DNAH7: variants seen among roughly 807,000 people sequenced by gnomAD.
DNAH7 encodes axonemal beta dynein heavy chain 7.
A neutral mutation model predicts 444.6 loss-of-function variants in DNAH7; 397 were observed. The ratio of observed to expected loss-of-function variants is 0.89; its 90% CI spans 0.82 to 0.97. The LOEUF (loss-of-function observed/expected upper bound fraction) is 0.97. Ranked by LOEUF, DNAH7 falls within the 50% of genes least tolerant of loss-of-function variation. DNAH7 has a pLI of 0.00. For synonymous variants in DNAH7, 1,636 were observed against 1,624.4 expected, an observed-to-expected ratio of 1.01 and a Z score of -0.17; for missense variants, 4,902 against 4,800.8, an observed-to-expected ratio of 1.02 and a Z score of -0.62.
chr2:195,760,520 G>A (rs1694301212), intron 61 of DNAH7, among the ~76,000 whole-genome samples: 1 of 152,084 alleles, frequency 6.6e-6, no homozygotes, highest in Non-Finnish European at 1.5e-5. Context: ...CTCAATGTTG[G>A]TGGCCATATG....
chr2:195,923,946 T>C (rs1343935790), intron 22 of DNAH7, 139 bp from the exon 23 acceptor site: 10 of 868,718 alleles, frequency 1.2e-5, no homozygotes, highest in African/African-American at 3.4e-5. Context: ...TAAAAATAAT[T>C]TGTTTTTCTG....
chr2:196,031,561 T>C (rs1228449234), intron 5 of DNAH7, among the ~76,000 whole-genome samples: 1 of 152,198 alleles, frequency 6.6e-6, no homozygotes, highest in Non-Finnish European at 1.5e-5. Context: ...TGAAACTGAA[T>C]GCCTTTAACA....
intron 63 of DNAH7, among the ~76,000 whole-genome samples, chr2:195,745,017 C>T (rs942368969): frequency 6.6e-5 from 10 of 152,322 alleles, no homozygotes; most frequent in Admixed American, 4.6e-4. Context: ...ATGACTTTGA[C>T]GAGCTGAGAG....
At chr2:195,849,157 G>A (rs989863754) in intron 46 of DNAH7, among the ~76,000 whole-genome samples, 4 of 151,856 alleles carry the variant, frequency 2.6e-5, no homozygotes, top group South Asian at 2.1e-4. Context: ...TATTTATTGC[G>A]ATGCTGAAAT....
chr2:195,990,690 T>C (rs972880311), intron 12 of DNAH7, among the ~76,000 whole-genome samples: 5 of 151,440 alleles, frequency 3.3e-5, no homozygotes, highest in Non-Finnish European at 5.9e-5. Flanking sequence ...AGTGTGGATT[T>C]ATTTCTAGGT....
At chr2:196,065,177 A>T (rs540024980) in intron 1 of DNAH7, among the ~76,000 whole-genome samples, 1 of 152,198 alleles carries the variant, frequency 6.6e-6, no homozygotes, top group Non-Finnish European at 1.5e-5. Flanking sequence ...TAGGATCTAC[A>T]CTGCATGAAA....
chr2:195,874,764 G>A (rs1233187398), intron 38 of DNAH7, among the ~76,000 whole-genome samples: 7 of 152,178 alleles, frequency 4.6e-5, no homozygotes, highest in South Asian at 2.1e-4. Flanking sequence ...TAAGGCTGCC[G>A]TGAGCTATGA....
At chr2:195,860,873 A>C (rs1271799138) in intron 42 of DNAH7, among the ~76,000 whole-genome samples, 1 of 152,150 alleles carries the variant, frequency 6.6e-6, no homozygotes, top group Non-Finnish European at 1.5e-5. Flanking sequence ...GTAAATTTAC[A>C]TTTGTGCTTT....
rs540507886 is a variant in DNAH7 at position 195,978,543 on chromosome 2, T to C, written c.1834-6077A>G. Among the ~76,000 whole-genome samples, 5 of 152,084 alleles carry C rather than the reference T, an allele frequency of 3.3e-5. No individual in the cohort carries two copies. The South Asian group carries it at 8.3e-4, about 25-fold the overall frequency. On this transcript the variant is annotated intron_variant, in intron 15 of 64. Transcript: ENST00000312428. ...AACAAATGACAAAATGGCAGGAGTA[T>C]AGCCTTACTTATCAATCAAAATTAT...
rs1695626361 is a variant in DNAH7 at position 195,786,471 on chromosome 2, G to A, written c.10878+539C>T. On this transcript the variant is annotated intron_variant, in intron 58 of 64. Transcript: ENST00000312428. The stretch of plus-strand genomic sequence containing the variant: ...ATGCTGCATGTGTATGAGTACATCA[G>A]AACTGGAGAGGCTGAAATGTGGTCT... Among the ~76,000 whole-genome samples, 7 of 152,294 alleles carry A rather than the reference G, an allele frequency of 4.6e-5. 1 individual carries two copies. In the South Asian group the frequency reaches 1.5e-3, roughly 32 times the overall value.
rs752455032 is a variant in DNAH7, at chr2:196,024,480, C to A, written c.692G>T (p.Arg231Leu). 1.9e-6 allele frequency: 3 copies of A among 1,577,338 alleles called. No homozygotes were observed. The highest frequency in any genetic ancestry group is 2.6e-6 in the Non-Finnish European group (3 of 1,164,398). Reference sequence around the variant, plus strand: ...TGTCTTCTTATCATCTCCTTTCTCTCGAGGATCTTTTAAAACAAAATCAAC... The same window carrying A: ...TGTCTTCTTATCATCTCCTTTCTCTAGAGGATCTTTTAAAACAAAATCAAC... ...SIVDFVLKDP[R>L]EKGDDKKTDE... Residue 231 changes from arginine to leucine, a missense_variant, in exon 8 of 65, where the codon CGA becomes CTA. Physicochemically the swap from Arg to Leu is moderately radical, Grantham distance 102 (BLOSUM62 -2). Coordinates refer to ENST00000312428, the MANE Select transcript of DNAH7 (RefSeq NM_018897.3).
intron 48 of DNAH7, among the ~76,000 whole-genome samples, chr2:195,831,319 A>G (rs1031978189): frequency 1.3e-5 from 2 of 152,210 alleles, no homozygotes; most frequent in African/African-American, 4.8e-5. Flanking sequence ...ATAAACTGCA[A>G]TATAAAAAAG....
chr2:195,889,016 G>GT (rs1184102734), intron 31 of DNAH7, 35 bp from the exon 32 acceptor site: 1 of 1,542,484 alleles, frequency 6.5e-7, no homozygotes, highest in East Asian at 2.3e-5. Flanking sequence ...GGGCAAAAAC[G>GT]TAATGATGAT....
intron 22 of DNAH7, among the ~76,000 whole-genome samples, chr2:195,925,076 G>A (rs1688247467): frequency 6.6e-6 from 1 of 151,926 alleles, no homozygotes; most frequent in Non-Finnish European, 1.5e-5. Context: ...ACAGAGATGA[G>A]GACTGCAAGT....
chr2:195,975,202 G>T (rs1199791889), intron 15 of DNAH7, among the ~76,000 whole-genome samples: 3 of 152,170 alleles, frequency 2.0e-5, no homozygotes, highest in Non-Finnish European at 2.9e-5. Flanking sequence ...AGACACCGAA[G>T]AGGGTAGGAA....
intron 18 of DNAH7, among the ~76,000 whole-genome samples, chr2:195,959,895 T>C (rs1319195853): frequency 1.3e-5 from 2 of 152,204 alleles, no homozygotes; most frequent in Non-Finnish European, 2.9e-5. Context: ...CGTTCACAGA[T>C]ACAAAATTAT....
At position 195,796,669 on chromosome 2, in the gene DNAH7, C is replaced by T. The variant is rs1696155404; in HGVS notation, c.10422G>A (p.Met3474Ile). Reference sequence around the variant, plus strand: ...TTCCTTCCTTGACAGCTTTTTCTAACATCTTCATAGCAATGGGCCCTTGGC... The same window carrying T: ...TTCCTTCCTTGACAGCTTTTTCTAATATCTTCATAGCAATGGGCCCTTGGC... ...GQGQGPIAMK[M>I]LEKAVKEGTW... The change falls in exon 56 of 65, where the codon ATG becomes ATA. Residue 3474 changes from methionine (M) to isoleucine (I), a missense_variant. By Grantham distance (10) the Met-to-Ile change is conservative. Coordinates refer to ENST00000312428, the MANE Select transcript of DNAH7 (RefSeq NM_018897.3). 1 of 1,614,076 alleles carries T rather than the reference C, an allele frequency of 6.2e-7. No homozygotes were observed. Among genetic ancestry groups the T allele is most frequent in the Non-Finnish European group, 8.5e-7 (1 of 1,180,024 alleles).
At chr2:195,971,910 C>T (rs1015078095) in intron 16 of DNAH7, among the ~76,000 whole-genome samples, 2 of 151,934 alleles carry the variant, frequency 1.3e-5, no homozygotes, top group South Asian at 2.1e-4. Flanking sequence ...TTTTAAAAAC[C>T]GAAAATAGTA....
At chr2:195,860,409 A>T (rs913527674) in intron 42 of DNAH7, among the ~76,000 whole-genome samples, 13 of 152,106 alleles carry the variant, frequency 8.5e-5, no homozygotes, top group African/African-American at 3.1e-4. Flanking sequence ...ACACAGAAAG[A>T]CAATTATCTT....
Sources: gnomAD v4.1 joint callset for allele counts (sites outside exome capture counted in the v4.1 genomes callset) on GRCh38, gnomAD v4.1.1 for gene constraint, MANE v1.5 for transcripts, NCBI Gene and HGNC (gene_info 2026-07-23, HGNC 2026-07-21) for gene names.